Variants in MAD1L1 observed in about 807,000 individuals in gnomAD.
MAD1L1 encodes mitotic arrest deficient 1 like 1, also known as mitotic spindle assembly checkpoint protein MAD1.
MAD1L1 carries 95 observed loss-of-function variants against 96.9 expected under a neutral mutation model. The observed-to-expected ratio is 0.98, with a 90% CI of 0.83 to 1.16. The LOEUF (loss-of-function observed/expected upper bound fraction) is 1.16, where lower values mean the gene tolerates loss of function less well. Ranked by LOEUF, MAD1L1 falls within the 50% of genes most tolerant of loss-of-function variation. The pLI, the probability that MAD1L1 is intolerant of heterozygous loss-of-function variation, is 0.00. For missense variants in MAD1L1, 1,007 were observed against 954.4 expected (o/e 1.06, Z -0.73); for synonymous variants, 473 against 396.6 (o/e 1.19, Z -2.29).
intron 11 of MAD1L1, among the ~76,000 whole-genome samples, chr7:2,148,809 G>C (rs1789433234): frequency 6.6e-6 from 1 of 152,154 alleles, no homozygotes; most frequent in East Asian, 1.9e-4. Flanking sequence ...CGACGGGCTG[G>C]TTCCCAAGAC....
rs952975528 is a variant in MAD1L1 at position 2,114,975 on chromosome 7, G to C, written c.1073+34177C>G. Among the ~76,000 whole-genome samples, 10 of 152,248 alleles carry C rather than the reference G, an allele frequency of 6.6e-5. No individual in the cohort carries two copies. Among genetic ancestry groups the C allele is most frequent in the African/African-American group, 2.2e-4 (9 of 41,466 alleles). On this transcript the variant is annotated intron_variant, in intron 11 of 18. Coordinates refer to ENST00000265854, the MANE Select transcript of MAD1L1 (RefSeq NM_001013836.2). This position sits in a 1 kb window ranked among gnomAD's most constrained non-coding sequence, Gnocchi z 4.2. ...AACCTTCCGGAAGAATCTGTTCCCA[G>C]GGTAGAAACAGTGACGGGCCAGTGC...
intron 10 of MAD1L1, among the ~76,000 whole-genome samples, chr7:2,195,087 C>CAA (rs36028754): frequency 1.8e-3 from 233 of 128,106 alleles, no homozygotes; most frequent in African/African-American, 6.0e-3. Flanking sequence ...GACTCTGTCT[C>CAA]AAAAAAAAAA....
At chr7:1,905,691 C>A (rs1383730213) in intron 17 of MAD1L1, among the ~76,000 whole-genome samples, 1 of 152,240 alleles carries the variant, frequency 6.6e-6, no homozygotes, top group African/African-American at 2.4e-5. Flanking sequence ...TCTGTGACCT[C>A]CCTCTGGGAC....
intron 11 of MAD1L1, among the ~76,000 whole-genome samples, chr7:2,122,492 C>T (rs975324362): frequency 1.3e-5 from 2 of 152,134 alleles, no homozygotes; most frequent in African/African-American, 4.8e-5. Context: ...GTCCCAGCTA[C>T]TCGGGAGGCT....
chr7:2,138,990 G>A (rs568552826), intron 11 of MAD1L1, among the ~76,000 whole-genome samples: 1 of 152,296 alleles, frequency 6.6e-6, no homozygotes. Flanking sequence ...CCTCTCAGCT[G>A]GAGTCAACAT....
chr7:1,880,077 G>A (rs1461061175), intron 18 of MAD1L1, among the ~76,000 whole-genome samples: 1 of 152,192 alleles, frequency 6.6e-6, no homozygotes, highest in Admixed American at 6.5e-5. Context: ...AATCAGGAAA[G>A]GATATTCCTT....
At chr7:2,193,049 G>A (rs1300846980) in intron 10 of MAD1L1, among the ~76,000 whole-genome samples, 1 of 152,190 alleles carries the variant, frequency 6.6e-6, no homozygotes, top group Non-Finnish European at 1.5e-5. Context: ...TTTTGATGGA[G>A]ACAAAAGCAA....
At chr7:1,945,493 G>A (rs1283126142) in intron 16 of MAD1L1, among the ~76,000 whole-genome samples, 2 of 152,214 alleles carry the variant, frequency 1.3e-5, no homozygotes, top group Admixed American at 1.3e-4. Context: ...TCCAAGTCGT[G>A]GAGAGTCCCA....
At chr7:1,956,257 C>T (rs866930519) in intron 16 of MAD1L1, among the ~76,000 whole-genome samples, 4 of 152,036 alleles carry the variant, frequency 2.6e-5, no homozygotes, top group Non-Finnish European at 2.9e-5. Flanking sequence ...AGGGTGTAAT[C>T]GCAGGGGGTG....
rs182929040 is a variant in MAD1L1 at position 2,185,880 on chromosome 7, G to A, written c.986+27332C>T. On this transcript the variant is annotated intron_variant, in intron 10 of 18. Transcript: ENST00000265854. The stretch of plus-strand genomic sequence containing the variant: ...CTGTTCAGGAGGCCCTTGGGCCAGG[G>A]TGGGCAGCATTTTCAGAGCCCTTGA... Among the ~76,000 whole-genome samples, 19 of 152,330 alleles carry A rather than the reference G, an allele frequency of 1.2e-4. No homozygotes were observed. The East Asian group carries it at 3.7e-3, about 29-fold the overall frequency.
chr7:2,128,361 AAG>A (rs572903850), intron 11 of MAD1L1, among the ~76,000 whole-genome samples: 83 of 152,260 alleles, frequency 5.5e-4, no homozygotes, highest in African/African-American at 1.9e-3. Flanking sequence ...TGGTGCCAGA[AAG>A]AGAGGGCGGA....
At chr7:1,956,307 C>T (rs1452550043) in intron 16 of MAD1L1, among the ~76,000 whole-genome samples, 1 of 152,066 alleles carries the variant, frequency 6.6e-6, no homozygotes. Flanking sequence ...TGGAAGTTTC[C>T]AACACTCCAC....
intron 18 of MAD1L1, among the ~76,000 whole-genome samples, chr7:1,842,317 C>T (rs1012870840): frequency 6.6e-6 from 1 of 152,172 alleles, no homozygotes; most frequent in South Asian, 2.1e-4. Context: ...CCGCAGCCCC[C>T]GTGGCCCTGT....
intron 15 of MAD1L1, among the ~76,000 whole-genome samples, chr7:1,965,011 C>T (rs568417395): frequency 6.6e-6 from 1 of 152,342 alleles, no homozygotes; most frequent in African/African-American, 2.4e-5. Flanking sequence ...CCAGCCCCTC[C>T]CCAGTGGGCC....
intron 11 of MAD1L1, among the ~76,000 whole-genome samples, chr7:2,082,071 C>T (rs1160307591): frequency 6.6e-6 from 1 of 152,010 alleles, no homozygotes; most frequent in African/African-American, 2.4e-5. Context: ...AGCACAAGAA[C>T]TTATGTAAGA....
intron 15 of MAD1L1, among the ~76,000 whole-genome samples, chr7:1,966,736 G>A (rs952624859): frequency 4.6e-5 from 7 of 152,224 alleles, no homozygotes; most frequent in African/African-American, 1.2e-4. Context: ...AGGGAACAGC[G>A]ATTCGAGCGT....
intron 12 of MAD1L1, among the ~76,000 whole-genome samples, chr7:2,018,011 C>T (rs1458202964): frequency 6.6e-6 from 1 of 151,910 alleles, no homozygotes; most frequent in Non-Finnish European, 1.5e-5. Flanking sequence ...CCCACAGGAG[C>T]GGGAGACTGC....
intron 18 of MAD1L1, among the ~76,000 whole-genome samples, chr7:1,895,065 C>T (rs1221989558): frequency 1.3e-5 from 2 of 152,152 alleles, no homozygotes; most frequent in Non-Finnish European, 2.9e-5. Context: ...GAAGAAGGGT[C>T]CCACATCTGG....
intron 10 of MAD1L1, among the ~76,000 whole-genome samples, chr7:2,154,789 T>C (rs1440750305): frequency 3.9e-5 from 6 of 152,098 alleles, no homozygotes; most frequent in Non-Finnish European, 5.9e-5. Flanking sequence ...ATGTGGACAT[T>C]TCTGAGGCCA....
Sources: allele counts gnomAD v4.1 joint callset (sites outside exome capture counted in the v4.1 genomes callset), GRCh38; gene constraint gnomAD v4.1.1; non-coding constraint Gnocchi (gnomAD v3.1); transcripts MANE v1.5; gene names NCBI Gene and HGNC (gene_info 2026-07-23, HGNC 2026-07-21).